The following COL18A1 variants were observed in gnomAD, a reference collection of about 807,000 sequenced individuals.
COL18A1 encodes collagen type XVIII alpha 1 chain, also known as collagen alpha-1(XVIII) chain.
In COL18A1, 133 loss-of-function variants were observed where a neutral mutation model predicts 168.0. The observed-to-expected ratio is 0.79, with a 90% CI of 0.69 to 0.91. The LOEUF (loss-of-function observed/expected upper bound fraction) is 0.91. COL18A1 is among the 40% of genes least tolerant of loss of function. The probability of loss-of-function intolerance (pLI) is 0.00; values close to 1 mark genes in which losing one functional copy is unlikely to be tolerated. For missense variants in COL18A1, 2,126 were observed against 1,925.4 expected (o/e 1.10, Z -1.95); for synonymous variants, 949 against 809.0 (o/e 1.17, Z -2.94).
At chr21:45,481,327 C>T (rs2035885851) in intron 13 of COL18A1, among the ~76,000 whole-genome samples, 1 of 152,038 alleles carries the variant, frequency 6.6e-6, no homozygotes, top group African/African-American at 2.4e-5. Flanking sequence ...CAGCAGGTGC[C>T]TGCCCCACCA....
chr21:45,501,412 G>A (rs1325124191), intron 32 of COL18A1, among the ~76,000 whole-genome samples: 1 of 152,132 alleles, frequency 6.6e-6, no homozygotes, highest in Non-Finnish European at 1.5e-5. Flanking sequence ...TGCCCCAGAG[G>A]GGCCCAGGCT....
intron 2 of COL18A1, among the ~76,000 whole-genome samples, chr21:45,430,338 G>A (rs777022046): frequency 2.5e-4 from 38 of 152,296 alleles, no homozygotes; most frequent in African/African-American, 5.5e-4. Context: ...TGAATAGGTC[G>A]AAGCACCTCC....
Position 45,510,976 on chromosome 21 carries a change from C to T in COL18A1, c.3694-135C>T. On this transcript the variant is annotated intron_variant, in intron 40 of 41. Transcript: ENST00000651438. ...AACACCCCACATACACCCCCAAACACCCCCCACACCCCACACACACAACAC... is the reference window on the plus strand; with the variant it reads ...AACACCCCACATACACCCCCAAACATCCCCCACACCCCACACACACAACAC... 1.7e-4 allele frequency: 2 copies of T among 11,952 alleles called. 1 individual carries two copies. The highest frequency in any genetic ancestry group is 2.8e-4 in the Non-Finnish European group (2 of 7,100). The allele number at this position is 11,952 out of a possible 1,614,324, so 0.7% of individuals were successfully genotyped here. A position where few individuals can be genotyped will look rare whatever the true frequency, so the allele number is the denominator to read the frequency against.
intron 37 of COL18A1, 165 bp from the exon 38 acceptor site, chr21:45,507,396 G>A (rs373312649): frequency 1.1e-4 from 67 of 605,438 alleles, no homozygotes; most frequent in East Asian, 3.0e-4. Flanking sequence ...GGCAGGGAGC[G>A]TACCCTGGCA....
intron 2 of COL18A1, among the ~76,000 whole-genome samples, chr21:45,452,925 T>G (rs2034670154): frequency 6.6e-6 from 1 of 151,654 alleles, no homozygotes; most frequent in African/African-American, 2.4e-5. Context: ...GTGTGAGTAT[T>G]CACATGTGAC....
chr21:45,499,099 G>C (rs992864296), intron 32 of COL18A1, among the ~76,000 whole-genome samples: 5 of 151,276 alleles, frequency 3.3e-5, no homozygotes, highest in African/African-American at 1.2e-4. Context: ...AGAGTGACGA[G>C]ATTTCTCAAC....
At chr21:45,490,614 C>G in intron 20 of COL18A1, among the ~76,000 whole-genome samples, 1 of 150,734 alleles carries the variant, frequency 6.6e-6, no homozygotes, top group Admixed American at 6.6e-5. Flanking sequence ...GTCCCTGGGC[C>G]TTCGTGTGCC....
chr21:45,439,676 A>G (rs796498929), intron 2 of COL18A1, among the ~76,000 whole-genome samples: 10 of 152,348 alleles, frequency 6.6e-5, no homozygotes, highest in African/African-American at 2.2e-4. Flanking sequence ...GGCCGTGTTC[A>G]GAGCGTGTTT....
chr21:45,478,586 G>A (rs1308717431), intron 9 of COL18A1, among the ~76,000 whole-genome samples: 1 of 152,132 alleles, frequency 6.6e-6, no homozygotes, highest in African/African-American at 2.4e-5. Context: ...AAGAAGGAAA[G>A]GAAGTGAGAA....
intron 2 of COL18A1, among the ~76,000 whole-genome samples, chr21:45,439,764 C>G (rs1431379998): frequency 6.8e-6 from 1 of 147,310 alleles, no homozygotes; most frequent in Admixed American, 6.7e-5. Context: ...TGCAGCTCGT[C>G]CTGGCGCCAA....
intron 2 of COL18A1, among the ~76,000 whole-genome samples, chr21:45,435,437 A>T (rs1191630207): frequency 6.6e-6 from 1 of 151,904 alleles, no homozygotes; most frequent in Non-Finnish European, 1.5e-5. Context: ...GTAGGTGCTC[A>T]GCTGGGCCAT....
chr21:45,489,857 CACTTGCCCCTCCCCCACACCTCCTCCCCG>C (rs752927899), intron 19 of COL18A1, among the ~76,000 whole-genome samples: 17,870 of 104,626 alleles, frequency 0.17, 2,026 homozygotes, highest in Middle Eastern at 0.24. Context: ...CTGCCTCCCC[CACTTGCCCCTCCCCCACACCTCCTCCCCG>C]ACTTCCCCCT....
intron 2 of COL18A1, among the ~76,000 whole-genome samples, chr21:45,437,353 C>G (rs111167512): frequency 8.2e-4 from 68 of 83,338 alleles, no homozygotes; most frequent in East Asian, 2.1e-3. Context: ...CAGGCACTCT[C>G]CTGCGCACAC....
chr21:45,509,765 T>G (rs1285452025), intron 39 of COL18A1, among the ~76,000 whole-genome samples, 164 bp downstream of exon 39: 1 of 152,186 alleles, frequency 6.6e-6, no homozygotes, highest in Non-Finnish European at 1.5e-5. Flanking sequence ...GCCCTGGGAC[T>G]TGCCCTCTGG....
At chr21:45,451,072 T>TG (rs949246392) in intron 2 of COL18A1, among the ~76,000 whole-genome samples, 3 of 152,138 alleles carry the variant, frequency 2.0e-5, no homozygotes, top group Admixed American at 1.3e-4. Flanking sequence ...GCAGGTCCTC[T>TG]GGGGGGTGTG....
intron 20 of COL18A1, 34 bp downstream of exon 20, chr21:45,490,380 G>C (rs981419735): frequency 1.3e-6 from 2 of 1,505,912 alleles, no homozygotes; most frequent in African/African-American, 2.8e-5. Context: ...GGTGCAGGGG[G>C]GGCGTGGAGC....
At chr21:45,437,634 TCA>T (rs1233703012) in intron 2 of COL18A1, among the ~76,000 whole-genome samples, 5 of 15,866 alleles carry the variant, frequency 3.2e-4, no homozygotes, top group Non-Finnish European at 5.1e-4. Flanking sequence ...GCACACACAC[TCA>T]CACAGGCACT....
chr21:45,467,327 C>A, intron 2 of COL18A1: 1 of 985,436 alleles, frequency 1.0e-6, no homozygotes, highest in Non-Finnish European at 1.2e-6. Flanking sequence ...AGTCAAGCTC[C>A]GCCTGGGCAG....
At chr21:45,501,180 A>T (rs1295041710) in intron 32 of COL18A1, among the ~76,000 whole-genome samples, 1 of 151,974 alleles carries the variant, frequency 6.6e-6, no homozygotes. Flanking sequence ...TCATTGAGAC[A>T]ACGGAGCAAG....
Sources: allele counts gnomAD v4.1 joint callset (sites outside exome capture counted in the v4.1 genomes callset), GRCh38; gene constraint gnomAD v4.1.1; transcripts MANE v1.5; gene names NCBI Gene and HGNC (gene_info 2026-07-23, HGNC 2026-07-21).